Variants in TEK observed in about 807,000 individuals in gnomAD.
TEK encodes angiopoietin-1 receptor.
Under a neutral mutation model 131.8 loss-of-function variants are expected in TEK, and 43 were observed. That is an observed-to-expected ratio of 0.33 (90% confidence interval 0.26 to 0.42). The LOEUF is 0.42. Among genes scored for constraint, TEK ranks in the 10% least tolerant of loss-of-function variants. The pLI, the probability that TEK is intolerant of heterozygous loss-of-function variation, is 1.00. For synonymous variants in TEK, 580 were observed against 491.6 expected (o/e 1.18, Z -2.38); for missense variants, 1,162 against 1,384.4 (o/e 0.84, Z 2.55).
intron 9 of TEK, among the ~76,000 whole-genome samples, chr9:27,189,164 A>G (rs888622477): frequency 2.0e-5 from 3 of 152,216 alleles, no homozygotes; most frequent in African/African-American, 7.2e-5. Flanking sequence ...AGGCTGGGCC[A>G]AGGGAACTAT....
At chr9:27,127,790 T>C (rs886644755) in intron 1 of TEK, among the ~76,000 whole-genome samples, 34 of 152,250 alleles carry the variant, frequency 2.2e-4, no homozygotes, top group Non-Finnish European at 4.7e-4. Context: ...GAGAAGTGTC[T>C]GTTTATATCC....
At chr9:27,178,939 T>C (rs1275829461) in intron 6 of TEK, among the ~76,000 whole-genome samples, 1 of 152,244 alleles carries the variant, frequency 6.6e-6, no homozygotes, top group Non-Finnish European at 1.5e-5. Context: ...TGCCTATGCA[T>C]AGTTTACTTT....
intron 21 of TEK, among the ~76,000 whole-genome samples, chr9:27,221,094 T>C (rs1587046956): frequency 6.6e-6 from 1 of 152,156 alleles, no homozygotes; most frequent in Non-Finnish European, 1.5e-5. Flanking sequence ...GGGAGAGGCA[T>C]CTGCCATTAC....
chr9:27,201,667 A>C (rs1459138711), intron 12 of TEK, among the ~76,000 whole-genome samples: 1 of 152,210 alleles, frequency 6.6e-6, no homozygotes, highest in Non-Finnish European at 1.5e-5. Flanking sequence ...CTAAAGAGTA[A>C]CAAGGGGGAG....
chr9:27,225,934 G>C (rs1826305873), intron 21 of TEK, among the ~76,000 whole-genome samples: 1 of 152,150 alleles, frequency 6.6e-6, no homozygotes, highest in Admixed American at 6.5e-5. Context: ...GATATGGACA[G>C]ACACTTCTCA....
intron 1 of TEK, among the ~76,000 whole-genome samples, chr9:27,114,878 A>G (rs1302118656): frequency 6.6e-6 from 1 of 152,224 alleles, no homozygotes; most frequent in Non-Finnish European, 1.5e-5. Flanking sequence ...TTCAATAGAT[A>G]TTTATTGAGT....
intron 7 of TEK, among the ~76,000 whole-genome samples, chr9:27,180,891 G>C (rs1468324046): frequency 6.6e-6 from 1 of 151,934 alleles, no homozygotes; most frequent in East Asian, 1.9e-4. Flanking sequence ...GCTTTATAGA[G>C]ATACATTTTT....
At chr9:27,109,974 A>G (rs866484278) in intron 1 of TEK, among the ~76,000 whole-genome samples, 3 of 151,502 alleles carry the variant, frequency 2.0e-5, no homozygotes, top group Admixed American at 1.3e-4. Flanking sequence ...TTTCTTATTG[A>G]TTTTTTTTTT....
chr9:27,112,087 C>A (rs566150516), intron 1 of TEK, among the ~76,000 whole-genome samples: 33 of 152,094 alleles, frequency 2.2e-4, no homozygotes, highest in South Asian at 1.2e-3. Flanking sequence ...TTAGTAGAGA[C>A]GGGGTTTCAC....
chr9:27,168,442 C>A, intron 2 of TEK, 53 bp from the exon 3 acceptor site: 1 of 1,419,184 alleles, frequency 7.0e-7, no homozygotes, highest in South Asian at 1.2e-5. Context: ...TCAATTGCTC[C>A]TGGAGAAAAT....
At chr9:27,193,243 C>T (rs1482270280) in intron 11 of TEK, among the ~76,000 whole-genome samples, 1 of 152,128 alleles carries the variant, frequency 6.6e-6, no homozygotes, top group Non-Finnish European at 1.5e-5. Context: ...TTTTCTAAAT[C>T]AGTGGTTCTC....
chr9:27,199,784 T>C (rs1033361245), intron 12 of TEK, among the ~76,000 whole-genome samples: 3 of 152,246 alleles, frequency 2.0e-5, no homozygotes, highest in Non-Finnish European at 4.4e-5. Context: ...CTTTGTTATG[T>C]GTATTGCAAA....
In TEK at chr9:27,208,864, G is replaced by A. The variant is rs183143918; in HGVS notation, c.2576-257G>A. Among the ~76,000 whole-genome samples the A allele has an allele frequency of 3.9e-4, 59 of 152,308 alleles. 1 individual carries two copies. The highest frequency in any genetic ancestry group is 3.3e-3 in the Admixed American group (51 of 15,300). ...CAATATCTGGATACATTTTTGATTG[G>A]CTATTGGCATCTAGTTAGTAGAGGC... On this transcript the variant is annotated intron_variant, in intron 15 of 22. Transcript: ENST00000380036.
At chr9:27,174,287 G>A (rs906181771) in intron 6 of TEK, among the ~76,000 whole-genome samples, 5 of 152,106 alleles carry the variant, frequency 3.3e-5, no homozygotes, top group East Asian at 3.9e-4. Flanking sequence ...TCCCATATCC[G>A]GCACTAAAGG....
chr9:27,226,609 G>C (rs1199625479), intron 21 of TEK, among the ~76,000 whole-genome samples: 2 of 152,072 alleles, frequency 1.3e-5, no homozygotes, highest in African/African-American at 4.8e-5. Context: ...AGCATTAGGA[G>C]AAATACCTAA....
rs1821597678 is a variant in TEK at position 27,117,084 on chromosome 9, C to T, written c.52+7442C>T. Among the ~76,000 whole-genome samples the T allele has an allele frequency of 1.3e-5, 2 of 151,856 alleles. 1 individual carries two copies. Among genetic ancestry groups the T allele is most frequent in the Non-Finnish European group, 2.9e-5 (2 of 67,992 alleles). ...GTTTCACTGTGTTAGCCAGGATGGT[C>T]TCGATCTCCTGACCTAGTGATCCGC... On this transcript the variant is annotated intron_variant, in intron 1 of 22. Coordinates refer to ENST00000380036, the MANE Select transcript of TEK (RefSeq NM_000459.5).
At chr9:27,145,611 C>G (rs1453583272) in intron 1 of TEK, among the ~76,000 whole-genome samples, 1 of 152,198 alleles carries the variant, frequency 6.6e-6, no homozygotes, top group Non-Finnish European at 1.5e-5. Context: ...GACCAAAGTT[C>G]TTAATGACTC....
At chr9:27,164,801 T>G (rs998284285) in intron 2 of TEK, among the ~76,000 whole-genome samples, 1 of 152,242 alleles carries the variant, frequency 6.6e-6, no homozygotes, top group Non-Finnish European at 1.5e-5. Context: ...CTCCCAAAAT[T>G]TTGGGATTAG....
chr9:27,151,276 A>G (rs553881517), intron 1 of TEK, among the ~76,000 whole-genome samples: 1 of 152,204 alleles, frequency 6.6e-6, no homozygotes, highest in Non-Finnish European at 1.5e-5. Flanking sequence ...GGATTTCTTC[A>G]TGGGAGACAA....
Sources: allele counts gnomAD v4.1 joint callset (sites outside exome capture counted in the v4.1 genomes callset), GRCh38; gene constraint gnomAD v4.1.1; transcripts MANE v1.5; gene names NCBI Gene and HGNC (gene_info 2026-07-23, HGNC 2026-07-21).